Variants in RBMS3 observed in about 807,000 individuals in gnomAD.
The protein encoded by RBMS3 is RNA binding motif single stranded interacting protein 3.
A neutral mutation model predicts 66.8 loss-of-function variants in RBMS3; 27 were observed. The ratio of observed to expected loss-of-function variants is 0.40; its 90% CI spans 0.30 to 0.56. The LOEUF (loss-of-function observed/expected upper bound fraction) is 0.56, where lower values mean the gene tolerates loss of function less well. Ranked by LOEUF, RBMS3 falls within the 20% of genes least tolerant of loss-of-function variation. The probability of loss-of-function intolerance (pLI) is 0.40; values close to 1 mark genes in which losing one functional copy is unlikely to be tolerated. For synonymous variants in RBMS3, 188 were observed against 183.0 expected (o/e 1.03, Z -0.22); for missense variants, 513 against 549.5 (o/e 0.93, Z 0.66).
At chr3:29,446,534 A>G (rs2041837942) in intron 2 of RBMS3, among the ~76,000 whole-genome samples, 1 of 152,140 alleles carries the variant, frequency 6.6e-6, no homozygotes. Flanking sequence ...ATGAATATTC[A>G]TGGTATCAGA....
intron 4 of RBMS3, among the ~76,000 whole-genome samples, chr3:29,710,638 T>C (rs1483960710): frequency 1.3e-5 from 2 of 152,174 alleles, no homozygotes. Context: ...ACATAGTGTG[T>C]TAGTTCAGAG....
intron 1 of RBMS3, among the ~76,000 whole-genome samples, chr3:29,376,330 T>C (rs930418829): frequency 2.0e-5 from 3 of 152,164 alleles, no homozygotes; most frequent in Non-Finnish European, 4.4e-5. Context: ...GCACATCCTG[T>C]GCATATATCC....
chr3:29,591,708 C>A (rs2047745000), intron 4 of RBMS3, among the ~76,000 whole-genome samples: 1 of 152,186 alleles, frequency 6.6e-6, no homozygotes, highest in Non-Finnish European at 1.5e-5. Flanking sequence ...ACCAGCCAGT[C>A]CTTGAGTAAT....
chr3:29,479,657 A>G (rs1171858811), intron 2 of RBMS3, among the ~76,000 whole-genome samples: 2 of 152,232 alleles, frequency 1.3e-5, no homozygotes, highest in African/African-American at 4.8e-5. Flanking sequence ...AAGGACCTGT[A>G]TTATTTAGCA....
intron 1 of RBMS3, among the ~76,000 whole-genome samples, chr3:29,405,334 T>C (rs4680826): frequency 0.82 from 124,662 of 152,116 alleles, 51,653 homozygotes; most frequent in East Asian, 0.96. Flanking sequence ...ATCCTGTGCC[T>C]TTGTTAAAAA....
intron 6 of RBMS3, among the ~76,000 whole-genome samples, chr3:29,820,532 C>A (rs932681908): frequency 6.6e-6 from 1 of 152,074 alleles, no homozygotes; most frequent in Non-Finnish European, 1.5e-5. Context: ...CTCAAACCAG[C>A]TAATTCAAAG....
In RBMS3 at chr3:29,607,400, C is replaced by A. The variant is rs73831616; in HGVS notation, c.399+20195C>A. Among the ~76,000 whole-genome samples, 510 of 151,994 alleles carry A rather than the reference C, an allele frequency of 3.4e-3. 5 individuals are homozygous for A. Among genetic ancestry groups the A allele is most frequent in the African/African-American group, 0.012 (481 of 41,504 alleles). ...GGCCTGGTTCCTGTCTCAAATGGAG[C>A]CTTCCAGCTGTGTCCTCACACTGTG... is the stretch of plus-strand genomic sequence containing the variant. On this transcript the variant is annotated intron_variant, in intron 4 of 14. Coordinates refer to ENST00000383767, the MANE Select transcript of RBMS3 (RefSeq NM_001003793.3).
chr3:29,614,989 A>T (rs2048614281), intron 4 of RBMS3: 2 of 152,216 alleles, frequency 1.3e-5, no homozygotes, highest in South Asian at 2.1e-4. Flanking sequence ...TCTACTGATG[A>T]TGTATGCTTT....
chr3:29,622,534 ATCT>A lies in RBMS3; in HGVS notation c.399+35333_399+35335del, dbSNP rs1402591019. ...CTCATGAGAATTATTCAGTAAAATA[ATCT>A]TCTATCAGATGAAATGTACAATAAA... On this transcript the variant is annotated intron_variant, in intron 4 of 14. Transcript: ENST00000383767. 5.9e-5 allele frequency among the ~76,000 whole-genome samples: 9 copies of A among 152,352 alleles called. 1 individual carries two copies. The highest frequency in any genetic ancestry group is 1.3e-4 in the Admixed American group (2 of 15,308).
At chr3:29,737,950 AT>A (rs962370457) in intron 4 of RBMS3, among the ~76,000 whole-genome samples, 11 of 152,024 alleles carry the variant, frequency 7.2e-5, no homozygotes, top group Non-Finnish European at 1.0e-4. Context: ...ATTCCTAAAT[AT>A]TAAGGCTCTA....
At chr3:29,314,038 C>G (rs918957093) in intron 1 of RBMS3, among the ~76,000 whole-genome samples, 5 of 151,550 alleles carry the variant, frequency 3.3e-5, no homozygotes, top group Admixed American at 2.6e-4. Context: ...TTGGCTTTGT[C>G]TACTTTGCAG....
At chr3:29,648,658 CTTGCACTAAAGGAAACATT>C (rs970220257) in intron 4 of RBMS3, among the ~76,000 whole-genome samples, 1 of 151,940 alleles carries the variant, frequency 6.6e-6, no homozygotes, top group Admixed American at 6.6e-5. Flanking sequence ...CTTGAAACTT[CTTGCACTAAAGGAAACATT>C]TTGCACTAAA....
intron 1 of RBMS3, among the ~76,000 whole-genome samples, chr3:29,407,559 T>C (rs2040079059): frequency 1.3e-5 from 2 of 152,234 alleles, no homozygotes. Context: ...TGCAATGTGA[T>C]TAAATTATGT....
At chr3:29,894,359 A>C (rs532585252) in intron 8 of RBMS3, among the ~76,000 whole-genome samples, 1 of 151,618 alleles carries the variant, frequency 6.6e-6, no homozygotes, top group South Asian at 2.1e-4. Flanking sequence ...AAGGGAATAC[A>C]GACATGCACC....
At chr3:29,573,450 G>T (rs1310541673) in intron 3 of RBMS3, among the ~76,000 whole-genome samples, 1 of 151,848 alleles carries the variant, frequency 6.6e-6, no homozygotes, top group African/African-American at 2.4e-5. Context: ...TCTTTATTTA[G>T]GTTGTCTTCC....
At chr3:29,992,192 C>T (rs1231615533) in intron 14 of RBMS3, among the ~76,000 whole-genome samples, 2 of 151,992 alleles carry the variant, frequency 1.3e-5, no homozygotes, top group Admixed American at 1.3e-4. Flanking sequence ...AATAATTTTT[C>T]TTATTAAAGA....
intron 4 of RBMS3, among the ~76,000 whole-genome samples, chr3:29,594,496 A>T (rs549972241): frequency 8.0e-4 from 122 of 152,308 alleles, no homozygotes; most frequent in Non-Finnish European, 1.4e-3. Context: ...ATGCAATGTA[A>T]TGTAAACCTT....
At chr3:29,946,929 G>T (rs1054628871) in intron 12 of RBMS3, among the ~76,000 whole-genome samples, 2 of 151,466 alleles carry the variant, frequency 1.3e-5, no homozygotes, top group Admixed American at 6.6e-5. Context: ...ATTAATGCAG[G>T]GTTAATATTT....
chr3:29,988,316 CA>C, intron 13 of RBMS3, 93 bp downstream of exon 13: 1 of 1,022,614 alleles, frequency 9.8e-7, no homozygotes, highest in Non-Finnish European at 1.5e-6. Context: ...TCCTCACTTG[CA>C]ATTTTTGTGC....
Sources: gnomAD v4.1 joint callset for allele counts (sites outside exome capture counted in the v4.1 genomes callset) on GRCh38, gnomAD v4.1.1 for gene constraint, MANE v1.5 for transcripts, NCBI Gene and HGNC (gene_info 2026-07-23, HGNC 2026-07-21) for gene names.